Variants in RANBP2 observed in about 807,000 individuals in gnomAD.
RANBP2 encodes the protein RAN binding protein 2, also known as E3 SUMO-protein ligase RanBP2.
Under a neutral mutation model 303.6 loss-of-function variants are expected in RANBP2, and 57 were observed. That is an observed-to-expected ratio of 0.19 (90% confidence interval 0.15 to 0.23). RANBP2 has a LOEUF of 0.23. Among genes scored for constraint, RANBP2 ranks in the 10% least tolerant of loss-of-function variants. The pLI is 1.00. For missense variants in RANBP2, 3,138 were observed against 3,780.8 expected, an observed-to-expected ratio of 0.83 and a Z score of 4.46; for synonymous variants, 1,167 against 1,301.5, an observed-to-expected ratio of 0.90 and a Z score of 2.23.
At chr2:109,184,500 G>C in the RANBP2 span, among the ~76,000 whole-genome samples, 2 of 152,162 alleles carry the variant, frequency 1.3e-5, no homozygotes, top group Non-Finnish European at 2.9e-5. Flanking sequence ...TCTGCTCACT[G>C]CTCAGAGTCC....
chr2:109,044,923 C>T, the RANBP2 span, among the ~76,000 whole-genome samples: 1 of 152,160 alleles, frequency 6.6e-6, no homozygotes, highest in Non-Finnish European at 1.5e-5. Context: ...AGTGATTCTA[C>T]TAAAGTCTTC....
chr2:109,371,537 TTG>T, the RANBP2 span: 21 of 1,517,760 alleles, frequency 1.4e-5, no homozygotes, highest in Admixed American at 1.7e-5. Context: ...TCCTTTTTCA[TTG>T]TGTGTGTGTC....
the RANBP2 span, among the ~76,000 whole-genome samples, chr2:109,262,886 G>A: frequency 3.9e-5 from 6 of 152,076 alleles, no homozygotes; most frequent in Non-Finnish European, 7.4e-5. Flanking sequence ...AGGCTGGAGT[G>A]CAGTGGCATG....
chr2:109,404,392 C>T, the RANBP2 span, among the ~76,000 whole-genome samples: 1 of 152,206 alleles, frequency 6.6e-6, no homozygotes, highest in East Asian at 1.9e-4. Flanking sequence ...AGGCCAGCGC[C>T]TGGCCTCTGA....
the RANBP2 span, among the ~76,000 whole-genome samples, chr2:109,641,765 T>A: frequency 6.8e-6 from 1 of 147,498 alleles, no homozygotes; most frequent in African/African-American, 2.5e-5. Flanking sequence ...TCTTTTTTTT[T>A]AATACCTTGC....
At chr2:109,299,052 C>T in the RANBP2 span, among the ~76,000 whole-genome samples, 1 of 152,220 alleles carries the variant, frequency 6.6e-6, no homozygotes, top group Non-Finnish European at 1.5e-5. Flanking sequence ...TCACCTGCTT[C>T]AGCCACACCA....
chr2:108,861,472 C>CTTT, the RANBP2 span, among the ~76,000 whole-genome samples: 254 of 123,470 alleles, frequency 2.1e-3, 68 homozygotes, highest in African/African-American at 9.4e-3. Flanking sequence ...AACTTTCTTC[C>CTTT]TTTTTTTTTT....
the RANBP2 span, among the ~76,000 whole-genome samples, chr2:109,215,313 CAAT>C: frequency 2.6e-5 from 4 of 152,138 alleles, no homozygotes; most frequent in Non-Finnish European, 5.9e-5. Flanking sequence ...CTTCATTATA[CAAT>C]TGTTTTGTGA....
At chr2:109,335,187 C>G in the RANBP2 span, among the ~76,000 whole-genome samples, 4 of 152,254 alleles carry the variant, frequency 2.6e-5, no homozygotes, top group African/African-American at 9.6e-5. Context: ...TGCGCCTGAT[C>G]TAGAGTTCCG....
At chr2:108,846,583 A>T in the RANBP2 span, 2 of 167,724 alleles carry the variant, frequency 1.2e-5, no homozygotes, top group Admixed American at 1.3e-4. Context: ...AGGCTGAGGT[A>T]GGAGGATTGC....
chr2:108,984,859 CTGAA>C, the RANBP2 span, among the ~76,000 whole-genome samples: 2 of 152,190 alleles, frequency 1.3e-5, no homozygotes, highest in Non-Finnish European at 2.9e-5. Flanking sequence ...AAAACATTTG[CTGAA>C]TGAATGAATG....
At chr2:109,322,217 ATCACCAC>A in the RANBP2 span, among the ~76,000 whole-genome samples, 1 of 152,178 alleles carries the variant, frequency 6.6e-6, no homozygotes, top group African/African-American at 2.4e-5. Flanking sequence ...CCCCCGAATA[ATCACCAC>A]TCCTTCTCCC....
At chr2:109,456,851 G>A in the RANBP2 span, among the ~76,000 whole-genome samples, 1 of 152,228 alleles carries the variant, frequency 6.6e-6, no homozygotes, top group African/African-American at 2.4e-5. Context: ...GCTACTGCTA[G>A]TCAGCTTCTC....
the RANBP2 span, among the ~76,000 whole-genome samples, chr2:109,449,928 A>G: frequency 2.6e-5 from 4 of 152,194 alleles, no homozygotes; most frequent in Admixed American, 1.3e-4. Flanking sequence ...GCAGTCCACA[A>G]CCTGTTCAAC....
chr2:109,411,195 G>C, the RANBP2 span, among the ~76,000 whole-genome samples: 3 of 152,196 alleles, frequency 2.0e-5, no homozygotes, highest in African/African-American at 7.2e-5. Context: ...TCAGGGGAGA[G>C]GCGCCATTGG....
the RANBP2 span, among the ~76,000 whole-genome samples, chr2:109,032,031 C>T: frequency 6.6e-6 from 1 of 151,996 alleles, no homozygotes; most frequent in East Asian, 1.9e-4. Flanking sequence ...TTCAAACCCC[C>T]TACGGTTACG....
At chr2:108,950,260 CT>C in the RANBP2 span, among the ~76,000 whole-genome samples, 1 of 145,520 alleles carries the variant, frequency 6.9e-6, no homozygotes, top group Non-Finnish European at 1.5e-5. Flanking sequence ...CCCTCCATTC[CT>C]TTTCTTTTTC....
the RANBP2 span, chr2:108,791,855 G>A: frequency 6.7e-7 from 1 of 1,498,630 alleles, no homozygotes; most frequent in East Asian, 2.3e-5. Context: ...GTCAAGTAGA[G>A]TAAATGAAGC....
At chr2:109,402,658 C>T in the RANBP2 span, among the ~76,000 whole-genome samples, 1 of 152,214 alleles carries the variant, frequency 6.6e-6, no homozygotes, top group Non-Finnish European at 1.5e-5. Flanking sequence ...TAAAGAACAT[C>T]TTGACTGACA....
Sources: gnomAD v4.1 joint callset for allele counts (sites outside exome capture counted in the v4.1 genomes callset) on GRCh38, gnomAD v4.1.1 for gene constraint, MANE v1.5 for transcripts, NCBI Gene and HGNC (gene_info 2026-07-23, HGNC 2026-07-21) for gene names.